DUSP16: variants seen among roughly 807,000 people sequenced by gnomAD.
DUSP16 encodes dual specificity protein phosphatase 16.
DUSP16 carries 21 observed loss-of-function variants against 58.3 expected under a neutral mutation model. That is an observed-to-expected ratio of 0.36 (90% confidence interval 0.26 to 0.52). The LOEUF (loss-of-function observed/expected upper bound fraction) is 0.52, where lower values mean the gene tolerates loss of function less well. Ranked by LOEUF, DUSP16 falls within the 20% of genes least tolerant of loss-of-function variation. The pLI is 0.94. For missense variants in DUSP16, 726 were observed against 819.0 expected, an observed-to-expected ratio of 0.89 and a Z score of 1.39; for synonymous variants, 320 against 323.8, an observed-to-expected ratio of 0.99 and a Z score of 0.12.
At chr12:12,526,433 G>A (rs952911493) in intron 1 of DUSP16, among the ~76,000 whole-genome samples, 1 of 152,040 alleles carries the variant, frequency 6.6e-6, no homozygotes, top group Admixed American at 6.6e-5. Context: ...GCACAAATAC[G>A]GTGTATCAAT....
intron 1 of DUSP16, among the ~76,000 whole-genome samples, chr12:12,555,559 T>C (rs1210259388): frequency 6.6e-6 from 1 of 152,202 alleles, no homozygotes; most frequent in Non-Finnish European, 1.5e-5. Flanking sequence ...AATGGATATA[T>C]TAAATATTAA....
intron 3 of DUSP16, among the ~76,000 whole-genome samples, chr12:12,513,624 G>C (rs1944108260): frequency 6.6e-6 from 1 of 152,182 alleles, no homozygotes; most frequent in Non-Finnish European, 1.5e-5. Flanking sequence ...ATCGCTGTAG[G>C]GTTATTCTGT....
At chr12:12,478,724 CCTT>C (rs1168750143) in intron 6 of DUSP16, among the ~76,000 whole-genome samples, 5 of 152,198 alleles carry the variant, frequency 3.3e-5, no homozygotes, top group African/African-American at 7.2e-5. Flanking sequence ...CAGCCACTCT[CCTT>C]CTTCAATTTC....
chr12:12,545,220 T>G (rs1944623978), intron 1 of DUSP16, among the ~76,000 whole-genome samples: 1 of 152,194 alleles, frequency 6.6e-6, no homozygotes, highest in Admixed American at 6.5e-5. Flanking sequence ...TATATAGAAA[T>G]ATAGGTTTTG....
chr12:12,557,660 T>C (rs1370146350), intron 1 of DUSP16, among the ~76,000 whole-genome samples: 1 of 152,212 alleles, frequency 6.6e-6, no homozygotes, highest in African/African-American at 2.4e-5. Flanking sequence ...AAGCAAGTGA[T>C]TCACAGAATA....
chr12:12,483,016 A>G (rs558806304), intron 5 of DUSP16, among the ~76,000 whole-genome samples: 3 of 152,284 alleles, frequency 2.0e-5, no homozygotes, highest in Admixed American at 1.3e-4. Context: ...GGCCAAGGCT[A>G]CCTTTTTAAC....
intron 1 of DUSP16, among the ~76,000 whole-genome samples, chr12:12,531,543 T>C (rs1342369382): frequency 2.0e-5 from 3 of 152,090 alleles, no homozygotes; most frequent in East Asian, 1.9e-4. Context: ...TAGTAAAATA[T>C]CAAATACATG....
At chr12:12,548,089 A>G (rs910812042) in intron 1 of DUSP16, among the ~76,000 whole-genome samples, 7 of 152,186 alleles carry the variant, frequency 4.6e-5, no homozygotes, top group Non-Finnish European at 7.4e-5. Flanking sequence ...TGTATCCCTG[A>G]ACTATATCAC....
At chr12:12,555,074 A>C (rs1449152115) in intron 1 of DUSP16, among the ~76,000 whole-genome samples, 1 of 152,272 alleles carries the variant, frequency 6.6e-6, no homozygotes, top group Non-Finnish European at 1.5e-5. Context: ...CCAGCATGGC[A>C]ATACATATAC....
At chr12:12,540,183 C>T (rs1284294005) in intron 1 of DUSP16, among the ~76,000 whole-genome samples, 1 of 151,350 alleles carries the variant, frequency 6.6e-6, no homozygotes, top group Admixed American at 6.6e-5. Context: ...GACAGGGGCC[C>T]GTAGTCCCAG....
intron 1 of DUSP16, among the ~76,000 whole-genome samples, chr12:12,532,625 C>A (rs1055050758): frequency 1.8e-4 from 28 of 151,738 alleles, no homozygotes; most frequent in Non-Finnish European, 4.0e-4. Context: ...CTTCTCAGGA[C>A]CATTATAAAA....
chr12:12,539,944 G>T (rs1465678039), intron 1 of DUSP16, among the ~76,000 whole-genome samples: 1 of 151,850 alleles, frequency 6.6e-6, no homozygotes, highest in East Asian at 1.9e-4. Context: ...TACTCGGGAG[G>T]CTGGGGAGGC....
chr12:12,483,952 AAAACTT>A (rs61142158), intron 5 of DUSP16, among the ~76,000 whole-genome samples: 40,886 of 151,570 alleles, frequency 0.27, 6,070 homozygotes, highest in Non-Finnish European at 0.33. Context: ...ACAGATCCCT[AAAACTT>A]AAAGTATAAT....
At chr12:12,532,457 G>C (rs536185351) in intron 1 of DUSP16, among the ~76,000 whole-genome samples, 1 of 152,158 alleles carries the variant, frequency 6.6e-6, no homozygotes, top group Non-Finnish European at 1.5e-5. Flanking sequence ...AAACACATAC[G>C]ATGGATATGT....
chr12:12,506,482 C>T (rs931250721), intron 3 of DUSP16, among the ~76,000 whole-genome samples: 2 of 152,096 alleles, frequency 1.3e-5, no homozygotes, highest in African/African-American at 2.4e-5. Flanking sequence ...AAAAAATTTG[C>T]GCCTATTTTT....
chr12:12,496,987 T>C (rs1172128846), intron 4 of DUSP16, among the ~76,000 whole-genome samples: 4 of 152,156 alleles, frequency 2.6e-5, no homozygotes, highest in Non-Finnish European at 4.4e-5. Flanking sequence ...TCCAATAAGG[T>C]AGCAGCCACA....
chr12:12,476,719 C>T lies in DUSP16; in HGVS notation c.*114G>A. ...TCCACCTGTTGCTTTTACACCATAG[C>T]TCCATTTTCCAAAAATATATATGTA... On this transcript the variant is annotated 3_prime_UTR_variant, in exon 7 of 7. Transcript: ENST00000298573. The T allele has an allele frequency of 1.1e-6, 1 of 938,914 alleles. No individual in the cohort carries two copies. Among genetic ancestry groups the T allele is most frequent in the Non-Finnish European group, 1.6e-6 (1 of 642,914 alleles). The allele number at this position is 938,914 out of a possible 1,614,324, so 58.2% of individuals were successfully genotyped here. A position where few individuals can be genotyped will look rare whatever the true frequency, so the allele number is the denominator to read the frequency against.
intron 3 of DUSP16, among the ~76,000 whole-genome samples, chr12:12,519,435 G>A (rs745517464): frequency 2.0e-5 from 3 of 152,098 alleles, no homozygotes; most frequent in Non-Finnish European, 4.4e-5. Flanking sequence ...TCTGGAGTCC[G>A]CTCCAACTAT....
At position 12,524,729 on chromosome 12, in the gene DUSP16, T is replaced by C. The variant is rs147785772; in HGVS notation, c.-365-3266A>G. ...AATCCAGAGCAGACCAGCTTTGCTA[T>C]TTATCTATTTATTTAGCCAGCTGCT... is the stretch of plus-strand genomic sequence containing the variant. On this transcript the variant is annotated intron_variant, in intron 1 of 6. Coordinates refer to ENST00000298573, the MANE Select transcript of DUSP16 (RefSeq NM_030640.3). Among the ~76,000 whole-genome samples, 533 of 152,334 alleles carry C rather than the reference T, an allele frequency of 3.5e-3. 3 individuals carry two copies. Among genetic ancestry groups the C allele is most frequent in the African/African-American group, 0.012 (498 of 41,566 alleles).
Sources: gnomAD v4.1 joint callset for allele counts (sites outside exome capture counted in the v4.1 genomes callset) on GRCh38, gnomAD v4.1.1 for gene constraint, MANE v1.5 for transcripts, NCBI Gene and HGNC (gene_info 2026-07-23, HGNC 2026-07-21) for gene names.